The following SOX5 variants were observed in gnomAD, a reference collection of about 807,000 sequenced individuals.
The protein encoded by SOX5 is transcription factor SOX-5.
SOX5 carries 9 observed loss-of-function variants against 92.0 expected under a neutral mutation model. That is an observed-to-expected ratio of 0.10 (90% CI 0.06 to 0.17). The LOEUF is 0.17. Ranked by LOEUF, SOX5 falls within the 10% of genes least tolerant of loss-of-function variation. The pLI is 1.00. For synonymous variants in SOX5, 344 were observed against 336.3 expected, an observed-to-expected ratio of 1.02 and a Z score of -0.25; for missense variants, 642 against 944.5, an observed-to-expected ratio of 0.68 and a Z score of 4.20.
chr12:23,766,623 A>C (rs2094735152), intron 3 of SOX5, among the ~76,000 whole-genome samples: 1 of 152,152 alleles, frequency 6.6e-6, no homozygotes, highest in Non-Finnish European at 1.5e-5. Context: ...TGAAAGAGTA[A>C]AATCTACTGA....
intron 4 of SOX5, among the ~76,000 whole-genome samples, chr12:23,741,741 A>AT (rs1273094048): frequency 1.1e-4 from 16 of 152,332 alleles, no homozygotes; most frequent in African/African-American, 3.8e-4. Flanking sequence ...TGAGAACACA[A>AT]ATATAGCAAT....
intron 1 of SOX5, among the ~76,000 whole-genome samples, chr12:24,536,593 T>C (rs1951663784): frequency 6.6e-6 from 1 of 152,200 alleles, no homozygotes; most frequent in Admixed American, 6.5e-5. Context: ...AATTTTACTT[T>C]TGAAAATCCC....
rs1252383782 is a variant in SOX5 at position 24,086,273 on chromosome 12, A to G, written c.-2+127070T>C. On this transcript the variant is annotated intron_variant, in intron 4 of 4. Coordinates refer to the SOX5 transcript ENST00000446891. ...AATAATTGAAAATCTGTGAAGTATA[A>G]TAAGTACCTACCCAGACTACATAGA... Among the ~76,000 whole-genome samples the G allele has an allele frequency of 2.6e-5, 4 of 152,074 alleles. No homozygotes were observed. The East Asian group carries it at 7.8e-4, about 29-fold the overall frequency.
intron 6 of SOX5, among the ~76,000 whole-genome samples, chr12:23,713,465 G>A (rs1014861335): frequency 2.6e-5 from 4 of 152,150 alleles, no homozygotes; most frequent in African/African-American, 4.8e-5. Context: ...ATATGGTAGT[G>A]AAGTGTGTAG....
chr12:23,591,747 T>C lies in SOX5; in HGVS notation c.1164+12640A>G, dbSNP rs185634517. 2.6e-5 allele frequency among the ~76,000 whole-genome samples: 4 copies of C among 152,186 alleles called. No homozygotes were observed. The East Asian group carries it at 7.7e-4, about 29-fold the overall frequency. On this transcript the variant is annotated intron_variant, in intron 9 of 14. Coordinates refer to ENST00000451604, the MANE Select transcript of SOX5 (RefSeq NM_006940.6). The stretch of plus-strand genomic sequence containing the variant: ...AGTGAAACTTTGATCCTCAGAAGAG[T>C]TGCATAGAGAAGTATAGAAAACACA...
chr12:23,573,388 C>G (rs1347083073), intron 10 of SOX5, among the ~76,000 whole-genome samples: 5 of 152,170 alleles, frequency 3.3e-5, no homozygotes, highest in Admixed American at 3.3e-4. Context: ...TCCATGAACT[C>G]CAAATCCTAA....
chr12:24,425,626 T>C (rs902068525), intron 1 of SOX5, among the ~76,000 whole-genome samples: 2 of 152,260 alleles, frequency 1.3e-5, no homozygotes, highest in Non-Finnish European at 2.9e-5. Flanking sequence ...TTAGTTGCTG[T>C]AGACAATTTT....
Position 24,548,827 on chromosome 12 carries a change from T to C in SOX5, c.-251+13502A>G, listed in dbSNP as rs557970384. Among the ~76,000 whole-genome samples, 7 of 152,314 alleles carry C rather than the reference T, an allele frequency of 4.6e-5. No individual in the cohort carries two copies. In the South Asian group the frequency reaches 1.2e-3, roughly 27 times the overall value. On this transcript the variant is annotated intron_variant, in intron 1 of 4. Transcript: ENST00000446891. ...CAAATCCGTTCATTCCTGCCTCTCT[T>C]AAATGTGATCTACAGGCTGTAGGCA...
intron 4 of SOX5, among the ~76,000 whole-genome samples, chr12:24,002,212 G>C (rs1004654853): frequency 6.6e-6 from 1 of 151,968 alleles, no homozygotes; most frequent in African/African-American, 2.4e-5. Context: ...TCAGATTAGA[G>C]TGGAAATCAG....
At chr12:23,810,956 G>A (rs1248222950) in intron 3 of SOX5, among the ~76,000 whole-genome samples, 2 of 152,004 alleles carry the variant, frequency 1.3e-5, no homozygotes, top group Non-Finnish European at 2.9e-5. Context: ...TGTCATACAA[G>A]AGTTTGCATT....
intron 1 of SOX5, among the ~76,000 whole-genome samples, chr12:24,529,828 A>G (rs995962001): frequency 2.0e-5 from 3 of 152,072 alleles, no homozygotes; most frequent in African/African-American, 4.8e-5. Context: ...GATCATCCTT[A>G]CTAACATGGT....
intron 1 of SOX5, among the ~76,000 whole-genome samples, chr12:24,506,257 C>T (rs1948731784): frequency 6.6e-6 from 1 of 151,898 alleles, no homozygotes; most frequent in Non-Finnish European, 1.5e-5. Flanking sequence ...TTAGCAATGT[C>T]CCCTTTTAAA....
intron 1 of SOX5, among the ~76,000 whole-genome samples, chr12:23,914,417 G>A (rs2097389651): frequency 6.6e-6 from 1 of 152,086 alleles, no homozygotes; most frequent in African/African-American, 2.4e-5. Flanking sequence ...TGATTTACCA[G>A]GGCAAGTAAC....
chr12:23,676,607 C>T lies in SOX5; in HGVS notation c.811-11043G>A, dbSNP rs142860115. Among the ~76,000 whole-genome samples the T allele has an allele frequency of 2.8e-3, 429 of 152,260 alleles. 1 individual carries two copies. The highest frequency in any genetic ancestry group is 9.0e-3 in the African/African-American group (374 of 41,556). Reference sequence around the variant, plus strand: ...AGCTAGGGCAGAAGAAAAGGAATACCGGGGCAGAGACTGCAAGTTTCAATG... The same window carrying T: ...AGCTAGGGCAGAAGAAAAGGAATACTGGGGCAGAGACTGCAAGTTTCAATG... On this transcript the variant is annotated intron_variant, in intron 6 of 14. Coordinates refer to ENST00000451604, the MANE Select transcript of SOX5 (RefSeq NM_006940.6).
Position 23,970,841 on chromosome 12 carries a change from A to ATATATATATATATTTTTTTTTTTTTTTT in SOX5, c.-1-74818_-1-74817insAAAAAAAAAAAAAAAATATATATATATA. 1.8e-4 allele frequency among the ~76,000 whole-genome samples: 4 copies of ATATATATATATATTTTTTTTTTTTTTTT among 21,884 alleles called. 2 individuals carry two copies. Among genetic ancestry groups the ATATATATATATATTTTTTTTTTTTTTTT allele is most frequent in the Non-Finnish European group, 4.1e-4 (4 of 9,706 alleles). The allele number at this position is 21,884 out of a possible 152,430, so 14.4% of individuals were successfully genotyped here. A position where few individuals can be genotyped will look rare whatever the true frequency, so the allele number is the denominator to read the frequency against. ...ACATGGGACTTTATATATATATATA[A>ATATATATATATATTTTTTTTTTTTTTTT]TTTTTTTTTTTTTTTAAGAAATGGG... On this transcript the variant is annotated intron_variant, in intron 4 of 4. Transcript: ENST00000446891.
At chr12:23,882,372 TA>T (rs562876910) in intron 2 of SOX5, among the ~76,000 whole-genome samples, 5,651 of 142,456 alleles carry the variant, frequency 0.04, 109 homozygotes, top group Admixed American at 0.077. Flanking sequence ...GCGGATATAC[TA>T]AAAAAAAAAA....
rs544596256 is a variant in SOX5 at position 24,005,192 on chromosome 12, A to C, written c.-1-109168T>G. Among the ~76,000 whole-genome samples, 15 of 152,220 alleles carry C rather than the reference A, an allele frequency of 9.9e-5. No individual in the cohort carries two copies. The South Asian group carries it at 3.1e-3, about 32-fold the overall frequency. On this transcript the variant is annotated intron_variant, in intron 4 of 4. Coordinates refer to the SOX5 transcript ENST00000446891. ...CAGCTCTATAAACTTACTAAAAAAA[A>C]AAAAATCACTGAATTGTATACATAA...
chr12:23,820,118 C>A (rs997214154), intron 3 of SOX5, among the ~76,000 whole-genome samples: 1 of 152,288 alleles, frequency 6.6e-6, no homozygotes, highest in East Asian at 1.9e-4. Context: ...TTAATGATCA[C>A]CATTTAACTG....
intron 1 of SOX5, among the ~76,000 whole-genome samples, chr12:24,505,697 T>C (rs1948645358): frequency 6.6e-6 from 1 of 152,232 alleles, no homozygotes; most frequent in African/African-American, 2.4e-5. Flanking sequence ...TGGGCAATTA[T>C]TACATAACTT....
Sources: gnomAD v4.1 joint callset for allele counts (sites outside exome capture counted in the v4.1 genomes callset) on GRCh38, gnomAD v4.1.1 for gene constraint, MANE v1.5 for transcripts, NCBI Gene and HGNC (gene_info 2026-07-23, HGNC 2026-07-21) for gene names.